NEK5: variants seen among roughly 807,000 people sequenced by gnomAD.
NEK5 encodes the protein NIMA related kinase 5, also known as serine/threonine-protein kinase Nek5.
In NEK5, 88 loss-of-function variants were observed where a neutral mutation model predicts 109.2. The ratio of observed to expected loss-of-function variants is 0.81; its 90% CI spans 0.68 to 0.96. The LOEUF is 0.96. Among genes scored for constraint, NEK5 ranks in the 40% least tolerant of loss-of-function variants. The probability of loss-of-function intolerance (pLI) is 0.00; values close to 1 mark genes in which losing one functional copy is unlikely to be tolerated. For missense variants in NEK5, 834 were observed against 920.7 expected (o/e 0.91, Z 1.22); for synonymous variants, 283 against 299.9 (o/e 0.94, Z 0.58).
intron 4 of NEK5, among the ~76,000 whole-genome samples, chr13:52,117,237 T>C (rs1461792282): frequency 6.6e-6 from 1 of 152,174 alleles, no homozygotes; most frequent in Admixed American, 6.5e-5. Flanking sequence ...CTATTTTCTA[T>C]AGACAAACAT....
chr13:52,038,318 T>A (rs1290532489), intron 23 of NEK5, among the ~76,000 whole-genome samples: 1 of 151,408 alleles, frequency 6.6e-6, no homozygotes, highest in Non-Finnish European at 1.5e-5. Context: ...CGAGACTCCA[T>A]CTCAAAACAA....
At chr13:52,095,272 T>C (rs1399257603) in intron 12 of NEK5, among the ~76,000 whole-genome samples, 1 of 152,178 alleles carries the variant, frequency 6.6e-6, no homozygotes, top group African/African-American at 2.4e-5. Context: ...TAGTTTTCTT[T>C]GTTTTACAAT....
At chr13:52,100,399 T>G (rs1955506197) in intron 11 of NEK5, among the ~76,000 whole-genome samples, 1 of 152,166 alleles carries the variant, frequency 6.6e-6, no homozygotes, top group African/African-American at 2.4e-5. Flanking sequence ...GGAGCTGGGA[T>G]TACAGGCATG....
intron 19 of NEK5, 90 bp from the exon 20 acceptor site, chr13:52,072,160 A>G (rs915392908): frequency 6.4e-6 from 6 of 932,476 alleles, no homozygotes; most frequent in Non-Finnish European, 9.7e-6. Context: ...AAAATTAATT[A>G]GCAAGGTATA....
Position 52,071,937 on chromosome 13 carries a change from C to A in NEK5, c.1849+7G>T, listed in dbSNP as rs1056484656. 31 of 1,612,840 alleles carry A rather than the reference C, an allele frequency of 1.9e-5. No individual in the cohort carries two copies. Among genetic ancestry groups the A allele is most frequent in the Non-Finnish European group, 2.5e-5 (29 of 1,179,248 alleles). On this transcript the variant is annotated splice_region_variant and intron_variant, in intron 20 of 23. Coordinates refer to ENST00000684899, the MANE Select transcript of NEK5 (RefSeq NM_001365552.1). ...CTTCTCATTTACAACTTTCAAGAAA[C>A]ACATACCTGCTTCTGGGCAGTGAAG...
chr13:52,105,262 TG>T (rs1955627066), intron 8 of NEK5, among the ~76,000 whole-genome samples: 1 of 125,892 alleles, frequency 7.9e-6, no homozygotes, highest in Non-Finnish European at 1.9e-5. Flanking sequence ...TGTGTGTGTG[TG>T]TGTGTGTGTG....
chr13:52,088,873 C>T (rs1489547719), intron 14 of NEK5, among the ~76,000 whole-genome samples: 1 of 151,346 alleles, frequency 6.6e-6, no homozygotes, highest in Non-Finnish European at 1.5e-5. Flanking sequence ...GGTGGATCAC[C>T]CGAGATCAGG....
At chr13:52,080,736 C>T (rs1284117191) in intron 17 of NEK5, among the ~76,000 whole-genome samples, 35 of 151,838 alleles carry the variant, frequency 2.3e-4, no homozygotes, top group Non-Finnish European at 2.1e-4. Flanking sequence ...TCTCAAGTAC[C>T]CAGGGACACA....
intron 22 of NEK5, among the ~76,000 whole-genome samples, chr13:52,061,196 C>A (rs980228259): frequency 1.3e-5 from 2 of 151,784 alleles, no homozygotes; most frequent in African/African-American, 4.8e-5. Flanking sequence ...GAGCACACAG[C>A]GTAGATCTCT....
Position 52,034,069 on chromosome 13 carries a change from G to A in NEK5, c.*2879C>T, listed in dbSNP as rs543976262. On this transcript the variant is annotated 3_prime_UTR_variant, in exon 24 of 24. Coordinates refer to ENST00000684899, the MANE Select transcript of NEK5 (RefSeq NM_001365552.1). ...GTGCTCAGTTGTACTATATGCAAAT[G>A]TTACTAGACACAGAGGAGGTCAAAG... The A allele has an allele frequency of 6.6e-6, 1 of 152,214 alleles. No individual in the cohort carries two copies. The highest frequency in any genetic ancestry group is 2.1e-4 in the South Asian group (1 of 4,824). The allele number at this position is 152,214 out of a possible 1,614,324, so 9.4% of individuals were successfully genotyped here.
chr13:52,064,225 T>G (rs1279345858), intron 21 of NEK5, among the ~76,000 whole-genome samples: 10 of 92,134 alleles, frequency 1.1e-4, no homozygotes, highest in Admixed American at 2.3e-4. Context: ...GGGAGGGAGG[T>G]GGGGGGGTCA....
intron 22 of NEK5, among the ~76,000 whole-genome samples, chr13:52,056,909 C>T (rs1398812750): frequency 6.6e-6 from 1 of 151,992 alleles, no homozygotes; most frequent in Non-Finnish European, 1.5e-5. Flanking sequence ...AGAGCAAACA[C>T]ATTCAAAAGC....
In NEK5 at chr13:52,037,221, G is replaced by A. The variant is rs1238347128; in HGVS notation, c.2229-3C>T. 8.2e-6 allele frequency: 8 copies of A among 979,690 alleles called. No individual in the cohort carries two copies. In the East Asian group the frequency reaches 4.5e-4, roughly 56 times the overall value. 60.7% of individuals were successfully genotyped at this position (979,690 alleles called of 1,614,324 possible). ...CATCTTCAGATTCTTCAAAATTTCT[G>A]AAATAATAAGCAGTAAAAATCAGCA... On this transcript the variant is annotated splice_polypyrimidine_tract_variant and splice_region_variant and intron_variant, in intron 23 of 23. Coordinates refer to ENST00000684899, the MANE Select transcript of NEK5 (RefSeq NM_001365552.1).
In NEK5 at chr13:52,104,485, T is replaced by C. The variant is rs758700616; in HGVS notation, c.609+13A>G. 2 of 1,560,960 alleles carry C rather than the reference T, an allele frequency of 1.3e-6. No homozygotes were observed. Among genetic ancestry groups the C allele is most frequent in the Non-Finnish European group, 1.8e-6 (2 of 1,132,014 alleles). On this transcript the variant is annotated intron_variant, in intron 9 of 23. Coordinates refer to ENST00000684899, the MANE Select transcript of NEK5 (RefSeq NM_001365552.1). ...CAATAATTCAAGATTAGTCTGACAATGAGCATACTTACAGGATGTTTAAGT... is the reference window on the plus strand; with the variant it reads ...CAATAATTCAAGATTAGTCTGACAACGAGCATACTTACAGGATGTTTAAGT...
chr13:52,042,745 G>C (rs1177560027), intron 23 of NEK5, among the ~76,000 whole-genome samples: 1 of 152,052 alleles, frequency 6.6e-6, no homozygotes, highest in Non-Finnish European at 1.5e-5. Flanking sequence ...AGATCAATTT[G>C]TAGGTAGTGT....
intron 19 of NEK5, among the ~76,000 whole-genome samples, chr13:52,075,019 G>A (rs889394208): frequency 6.6e-6 from 1 of 152,170 alleles, no homozygotes; most frequent in African/African-American, 2.4e-5. Context: ...ATGTAGTGTT[G>A]GCGGAAATGT....
At chr13:52,095,070 CTG>C (rs768266761) in intron 12 of NEK5, among the ~76,000 whole-genome samples, 1 of 152,062 alleles carries the variant, frequency 6.6e-6, no homozygotes, top group South Asian at 2.1e-4. Context: ...GCACATGCTA[CTG>C]TGTCCAGTAA....
chr13:52,041,901 T>C (rs918785427), intron 23 of NEK5, among the ~76,000 whole-genome samples: 1 of 151,920 alleles, frequency 6.6e-6, no homozygotes, highest in Non-Finnish European at 1.5e-5. Flanking sequence ...ATTAAAATTT[T>C]CCAGAACTAA....
intron 1 of NEK5, among the ~76,000 whole-genome samples, chr13:52,128,240 T>C (rs1049703032): frequency 1.3e-5 from 2 of 152,108 alleles, no homozygotes; most frequent in Non-Finnish European, 2.9e-5. Flanking sequence ...CAAGGCTTGA[T>C]TGCACTTCGG....
Sources: allele counts gnomAD v4.1 joint callset (sites outside exome capture counted in the v4.1 genomes callset), GRCh38; gene constraint gnomAD v4.1.1; transcripts MANE v1.5; gene names NCBI Gene and HGNC (gene_info 2026-07-23, HGNC 2026-07-21).